The following CSGALNACT1 variants were observed in gnomAD, a reference collection of about 807,000 sequenced individuals.
CSGALNACT1 encodes beta4GalNAcT-1.
In CSGALNACT1, 52 loss-of-function variants were observed where a neutral mutation model predicts 51.0. The ratio of observed to expected loss-of-function variants is 1.02; its 90% CI spans 0.82 to 1.29. The LOEUF (loss-of-function observed/expected upper bound fraction) is 1.29. CSGALNACT1 is among the 50% of genes most tolerant of loss of function. CSGALNACT1 has a pLI of 0.00. For missense variants in CSGALNACT1, 935 were observed against 679.2 expected (o/e 1.38, Z -4.19); for synonymous variants, 341 against 254.4 (o/e 1.34, Z -3.24).
At chr8:19,683,145 G>A (rs1457770946), upstream of CSGALNACT1, 1 of 197,032 alleles carries the variant, frequency 5.1e-6, no homozygotes, top group Non-Finnish European at 1.1e-5. Flanking sequence ...TTTGATCTGT[G>A]CTATGGTTCA....
rs529438788 is a variant in CSGALNACT1 at position 19,667,602 on chromosome 8, G to C, written c.-544+14871C>G. 4.3e-4 allele frequency among the ~76,000 whole-genome samples: 66 copies of C among 152,288 alleles called. 2 individuals are homozygous for C. Among genetic ancestry groups the C allele is most frequent in the African/African-American group, 1.6e-3 (66 of 41,556 alleles). On this transcript the variant is annotated intron_variant, in intron 1 of 9. Coordinates refer to the CSGALNACT1 transcript ENST00000332246. ...GGCTGATGAATTATGAACAAGTCAA[G>C]GCCCTTAATGCAACATGACCACAAA...
chr8:19,617,475 C>T (rs1280556112), intron 1 of CSGALNACT1, among the ~76,000 whole-genome samples: 4 of 152,166 alleles, frequency 2.6e-5, no homozygotes, highest in Non-Finnish European at 4.4e-5. Context: ...AGACTGTGTT[C>T]ATCTTTTCTT....
Position 19,533,108 on chromosome 8 carries a change from CGTTTTT to C in CSGALNACT1, c.-296-26984_-296-26979del, listed in dbSNP as rs573049153. 1.5e-3 allele frequency among the ~76,000 whole-genome samples: 222 copies of C among 151,944 alleles called. 1 individual carries two copies. The highest frequency in any genetic ancestry group is 3.1e-3 in the African/African-American group (128 of 41,454). On this transcript the variant is annotated intron_variant, in intron 3 of 9. Coordinates refer to ENST00000454498, the Ensembl canonical transcript of CSGALNACT1. ...CCTGTTTAGTCTTAAAGCAGTTTGA[CGTTTTT>C]GTTTTTGTTTTTGTTTTTGAGAGAC...
chr8:19,558,448 G>C (rs1223951952), intron 3 of CSGALNACT1, among the ~76,000 whole-genome samples: 1 of 152,124 alleles, frequency 6.6e-6, no homozygotes, highest in Non-Finnish European at 1.5e-5. Context: ...CTATAGTTGA[G>C]AAAGTTATAC....
intron 1 of CSGALNACT1, among the ~76,000 whole-genome samples, chr8:19,713,223 C>T (rs774695503): frequency 2.8e-4 from 42 of 152,226 alleles, no homozygotes; most frequent in South Asian, 6.2e-4. Context: ...TGGTGAGCCG[C>T]GCTGGGCAGA....
chr8:19,484,828 C>A (rs571092021), intron 4 of CSGALNACT1, among the ~76,000 whole-genome samples: 3 of 152,100 alleles, frequency 2.0e-5, no homozygotes, highest in African/African-American at 7.2e-5. Flanking sequence ...CCAATCTGAC[C>A]GGTGTCCTAA....
intron 1 of CSGALNACT1, among the ~76,000 whole-genome samples, chr8:19,630,206 G>C (rs1242267028): frequency 6.1e-5 from 7 of 114,048 alleles, no homozygotes; most frequent in African/African-American, 1.3e-4. Context: ...GTGTGTGTGT[G>C]TGTGTGTGTG....
intron 1 of CSGALNACT1, among the ~76,000 whole-genome samples, chr8:19,628,125 C>T (rs1263433897): frequency 2.0e-5 from 3 of 152,172 alleles, no homozygotes; most frequent in South Asian, 2.1e-4. Flanking sequence ...TAAGTCCTTA[C>T]ACCTTTGCAG....
chr8:19,662,290 G>A (rs1013121977), intron 1 of CSGALNACT1, among the ~76,000 whole-genome samples: 2 of 151,856 alleles, frequency 1.3e-5, no homozygotes, highest in Non-Finnish European at 2.9e-5. Context: ...GGCTGAGGCA[G>A]GAAATCACAT....
intron 4 of CSGALNACT1, among the ~76,000 whole-genome samples, chr8:19,463,098 C>T (rs565743312): frequency 1.3e-5 from 2 of 152,262 alleles, no homozygotes; most frequent in South Asian, 4.2e-4. Context: ...TTTCTGCATT[C>T]ACTTAGAATA....
chr8:19,462,391 T>G (rs914025832), intron 4 of CSGALNACT1, among the ~76,000 whole-genome samples: 3 of 152,088 alleles, frequency 2.0e-5, no homozygotes, highest in African/African-American at 4.8e-5. Context: ...AGGTTAAGAA[T>G]CATTAACTTT....
chr8:19,721,497 C>T (rs921719232), intron 1 of CSGALNACT1, among the ~76,000 whole-genome samples: 5 of 152,114 alleles, frequency 3.3e-5, no homozygotes, highest in African/African-American at 1.2e-4. Flanking sequence ...ATAAGAAACT[C>T]GGAGGAATAA....
Position 19,452,613 on chromosome 8 carries a change from G to C in CSGALNACT1, c.851+5813C>G, listed in dbSNP as rs966947761. Among the ~76,000 whole-genome samples the C allele has an allele frequency of 1.9e-4, 29 of 152,202 alleles. 1 individual carries two copies. The South Asian group carries it at 2.7e-3, about 14-fold the overall frequency. On this transcript the variant is annotated intron_variant, in intron 5 of 9. Coordinates refer to ENST00000454498, the Ensembl canonical transcript of CSGALNACT1. ...GAGCCAAAACTTTCCTTTTTCCTCT[G>C]ACTGGTAGGCGTGGAAAGAGCTGCT...
intron 1 of CSGALNACT1, among the ~76,000 whole-genome samples, chr8:19,664,222 C>A (rs1455261628): frequency 6.6e-6 from 1 of 152,132 alleles, no homozygotes; most frequent in East Asian, 1.9e-4. Flanking sequence ...GGAATTGAGA[C>A]ATTACTAGTT....
At chr8:19,535,944 C>T (rs1460484175) in intron 3 of CSGALNACT1, among the ~76,000 whole-genome samples, 1 of 152,030 alleles carries the variant, frequency 6.6e-6, no homozygotes, top group East Asian at 1.9e-4. Flanking sequence ...ATTTTCACAA[C>T]TTTTGATAGA....
At chr8:19,547,865 G>A (rs966470220) in intron 3 of CSGALNACT1, among the ~76,000 whole-genome samples, 3 of 152,184 alleles carry the variant, frequency 2.0e-5, no homozygotes, top group African/African-American at 4.8e-5. Flanking sequence ...AGGTGATGAG[G>A]ACCAGATGGC....
chr8:19,653,633 A>G (rs1189261435), intron 1 of CSGALNACT1, among the ~76,000 whole-genome samples: 1 of 152,026 alleles, frequency 6.6e-6, no homozygotes, highest in Non-Finnish European at 1.5e-5. Context: ...ATTTCTACAA[A>G]AAGTTAAAAA....
At chr8:19,456,290 G>A (rs903040038) in intron 5 of CSGALNACT1, among the ~76,000 whole-genome samples, 3 of 152,150 alleles carry the variant, frequency 2.0e-5, no homozygotes, top group Non-Finnish European at 2.9e-5. Context: ...CTTTCACCGA[G>A]CAGATACTTC....
At chr8:19,427,736 C>T (rs539219558) in intron 6 of CSGALNACT1, among the ~76,000 whole-genome samples, 7 of 151,866 alleles carry the variant, frequency 4.6e-5, no homozygotes, top group African/African-American at 1.2e-4. Context: ...TGCCGTTAGC[C>T]GAGATCGCGC....
Sources: allele counts gnomAD v4.1 joint callset (sites outside exome capture counted in the v4.1 genomes callset), GRCh38; gene constraint gnomAD v4.1.1; transcripts MANE v1.5; gene names NCBI Gene and HGNC (gene_info 2026-07-23, HGNC 2026-07-21).